AGBL1: variants seen among roughly 807,000 people sequenced by gnomAD.
AGBL1 encodes the protein AGBL carboxypeptidase 1.
A neutral mutation model predicts 118.9 loss-of-function variants in AGBL1; 130 were observed. That is an observed-to-expected ratio of 1.09 (90% CI 0.95 to 1.26). The LOEUF is 1.26. AGBL1 is among the 50% of genes most tolerant of loss of function. The pLI is 0.00. For synonymous variants in AGBL1, 555 were observed against 478.9 expected (o/e 1.16, Z -2.08); for missense variants, 1,584 against 1,298.1 (o/e 1.22, Z -3.38).
chr15:86,499,501 C>A (rs1331159631), intron 18 of AGBL1, among the ~76,000 whole-genome samples: 2 of 151,836 alleles, frequency 1.3e-5, no homozygotes, highest in African/African-American at 2.4e-5. Flanking sequence ...AGAATCAAAT[C>A]TGTGGAAAGG....
At chr15:86,888,619 G>A (rs1002462245) in intron 22 of AGBL1, among the ~76,000 whole-genome samples, 20 of 151,948 alleles carry the variant, frequency 1.3e-4, no homozygotes, top group African/African-American at 4.6e-4. Context: ...CAGCGTGAGG[G>A]GATTTCTCAG....
intron 24 of AGBL1, among the ~76,000 whole-genome samples, chr15:87,020,835 G>C (rs185923248): frequency 4.7e-4 from 71 of 152,140 alleles, no homozygotes; most frequent in African/African-American, 1.7e-3. Flanking sequence ...ACCACTGCTT[G>C]AAGAAATCAG....
chr15:86,348,956 G>T (rs1390882502), intron 17 of AGBL1, among the ~76,000 whole-genome samples: 1 of 152,124 alleles, frequency 6.6e-6, no homozygotes, highest in Non-Finnish European at 1.5e-5. Context: ...GGTTATACTG[G>T]ATCAGGGTGG....
At chr15:86,985,516 T>C (rs57541795) in intron 23 of AGBL1, among the ~76,000 whole-genome samples, 16,211 of 152,276 alleles carry the variant, frequency 0.11, 1,008 homozygotes, top group East Asian at 0.14. Flanking sequence ...CATATGCTTA[T>C]TTGCCATCCT....
At chr15:86,552,217 A>C (rs1251471269) in intron 20 of AGBL1, among the ~76,000 whole-genome samples, 3 of 152,162 alleles carry the variant, frequency 2.0e-5, no homozygotes, top group Non-Finnish European at 4.4e-5. Context: ...ATGTTGAGGG[A>C]GTCCATGCAT....
At chr15:86,643,641 A>AT (rs1468473473) in intron 21 of AGBL1, among the ~76,000 whole-genome samples, 2 of 151,998 alleles carry the variant, frequency 1.3e-5, no homozygotes, top group Non-Finnish European at 2.9e-5. Flanking sequence ...TGGTTTACAT[A>AT]TTTTTCAGTA....
At position 86,307,225 on chromosome 15, in the gene AGBL1, T is replaced by C. The variant is rs961047957; in HGVS notation, c.2374+11817T>C. Among the ~76,000 whole-genome samples the C allele has an allele frequency of 1.4e-4, 22 of 152,306 alleles. No homozygotes were observed. The South Asian group carries it at 2.1e-3, about 14-fold the overall frequency. The stretch of plus-strand genomic sequence containing the variant: ...TGATTTTCATTTCTTCCTTTTAAAT[T>C]GTTTATTTTTAAAATCATTTGTCTG... On this transcript the variant is annotated intron_variant, in intron 17 of 22. Transcript: ENST00000614907.
intron 21 of AGBL1, among the ~76,000 whole-genome samples, chr15:86,623,091 TA>T (rs1282029432): frequency 6.6e-6 from 1 of 152,186 alleles, no homozygotes; most frequent in Admixed American, 6.5e-5. Flanking sequence ...GAGGTGCCTG[TA>T]AATACAGATG....
chr15:86,235,517 A>G (rs2078525798), intron 6 of AGBL1, among the ~76,000 whole-genome samples: 1 of 152,246 alleles, frequency 6.6e-6, no homozygotes, highest in Non-Finnish European at 1.5e-5. Context: ...CAAAGATTTA[A>G]GGAGATAGAG....
chr15:86,462,222 G>A (rs987756053), intron 18 of AGBL1, among the ~76,000 whole-genome samples: 18 of 152,064 alleles, frequency 1.2e-4, no homozygotes, highest in Non-Finnish European at 2.2e-4. Flanking sequence ...ATGTGGTGGG[G>A]ATTAATTGAG....
rs941919023 is a variant in AGBL1, at chr15:86,185,028, A to G, written c.488+26002A>G. 2.0e-5 allele frequency among the ~76,000 whole-genome samples: 3 copies of G among 152,218 alleles called. No homozygotes were observed. In the East Asian group the frequency reaches 5.8e-4, roughly 29 times the overall value. ...AGTCTACTCATCTGAAAGGGCTAAT[A>G]TCCACCATCACAAAGAACTCAAACA... On this transcript the variant is annotated intron_variant, in intron 5 of 22. Transcript: ENST00000614907.
At chr15:86,405,285 G>A (rs951702571) in intron 18 of AGBL1, among the ~76,000 whole-genome samples, 1 of 151,912 alleles carries the variant, frequency 6.6e-6, no homozygotes, top group Admixed American at 6.6e-5. Context: ...GCCGAGGCAG[G>A]CAGATCACGA....
chr15:86,363,885 C>A (rs1483993197), intron 17 of AGBL1, among the ~76,000 whole-genome samples: 3 of 152,158 alleles, frequency 2.0e-5, no homozygotes, highest in African/African-American at 7.2e-5. Flanking sequence ...CCTTATATCA[C>A]CATTATCCAC....
At chr15:86,424,091 A>T (rs1020356908) in intron 18 of AGBL1, among the ~76,000 whole-genome samples, 1 of 152,192 alleles carries the variant, frequency 6.6e-6, no homozygotes, top group Non-Finnish European at 1.5e-5. Context: ...ATAAGCAAAA[A>T]GAACAAAGCT....
intron 22 of AGBL1, among the ~76,000 whole-genome samples, chr15:86,676,676 C>G (rs2085854838): frequency 6.6e-6 from 1 of 152,160 alleles, no homozygotes; most frequent in Admixed American, 6.5e-5. Context: ...CCACCCTCCT[C>G]TCCTCCTGCC....
At chr15:86,226,030 T>G (rs1481644550) in intron 6 of AGBL1, among the ~76,000 whole-genome samples, 2 of 152,056 alleles carry the variant, frequency 1.3e-5, no homozygotes, top group Admixed American at 6.5e-5. Flanking sequence ...ATGAGATAAC[T>G]TGAGATAACT....
At chr15:86,761,805 C>CT (rs940065323) in intron 22 of AGBL1, among the ~76,000 whole-genome samples, 2 of 151,930 alleles carry the variant, frequency 1.3e-5, no homozygotes, top group South Asian at 2.1e-4. Flanking sequence ...CTGATGATAG[C>CT]TTTTTTTGCT....
At chr15:86,810,790 A>G (rs1251145793) in intron 22 of AGBL1, among the ~76,000 whole-genome samples, 6 of 152,156 alleles carry the variant, frequency 3.9e-5, no homozygotes, top group Admixed American at 3.3e-4. Flanking sequence ...CCATAAGCTC[A>G]ACAAGGATGA....
intron 24 of AGBL1, among the ~76,000 whole-genome samples, chr15:87,005,873 G>T (rs2081494702): frequency 6.6e-6 from 1 of 152,112 alleles, no homozygotes; most frequent in Admixed American, 6.6e-5. Context: ...TGGGGTTTTG[G>T]TGTGGATATC....
Sources: gnomAD v4.1 joint callset for allele counts (sites outside exome capture counted in the v4.1 genomes callset) on GRCh38, gnomAD v4.1.1 for gene constraint, MANE v1.5 for transcripts, NCBI Gene and HGNC (gene_info 2026-07-23, HGNC 2026-07-21) for gene names.